The following PPM1K variants were observed in gnomAD, a reference collection of about 807,000 sequenced individuals.
The protein encoded by PPM1K is protein phosphatase Mn(2+)-dependent 1K.
In PPM1K, 19 loss-of-function variants were observed where a neutral mutation model predicts 32.6. That is an observed-to-expected ratio of 0.58 (90% CI 0.41 to 0.86). The LOEUF (loss-of-function observed/expected upper bound fraction) is 0.86. Ranked by LOEUF, PPM1K falls within the 40% of genes least tolerant of loss-of-function variation. PPM1K has a pLI of 0.00. For missense variants in PPM1K, 362 were observed against 461.2 expected (o/e 0.78, Z 1.97); for synonymous variants, 159 against 165.3 (o/e 0.96, Z 0.29).
Position 88,283,323 on chromosome 4 carries a change from G to A in PPM1K, c.-60+1083C>T, listed in dbSNP as rs369779019. Among the ~76,000 whole-genome samples, 55 of 152,346 alleles carry A rather than the reference G, an allele frequency of 3.6e-4. No homozygotes were observed. The South Asian group carries it at 0.011, about 32-fold the overall frequency. ...GCCGAGGTTTCGATGTGTTGCCCAG[G>A]CTGGTCTCGAACTCCTGGGCTCAAG... is the stretch of plus-strand genomic sequence containing the variant. On this transcript the variant is annotated intron_variant, in intron 1 of 6. Coordinates refer to ENST00000608933, the MANE Select transcript of PPM1K (RefSeq NM_152542.5).
intron 1 of PPM1K, among the ~76,000 whole-genome samples, chr4:88,280,857 AAGAG>A (rs888644902): frequency 2.6e-5 from 4 of 152,122 alleles, no homozygotes; most frequent in African/African-American, 4.8e-5. Flanking sequence ...TATTTAAAAA[AAGAG>A]AGAGAGAGCG....
chr4:88,266,848 T>A (rs1039938209), intron 5 of PPM1K, among the ~76,000 whole-genome samples: 6 of 137,900 alleles, frequency 4.4e-5, no homozygotes, highest in Non-Finnish European at 6.2e-5. Context: ...TGTTGGCTGA[T>A]TGGGTGCAGG....
At chr4:88,273,554 G>A (rs542215289) in intron 3 of PPM1K, among the ~76,000 whole-genome samples, 28 of 152,092 alleles carry the variant, frequency 1.8e-4, no homozygotes, top group Non-Finnish European at 2.8e-4. Context: ...GGTGGCAGGC[G>A]CCTATAATCC....
intron 3 of PPM1K, among the ~76,000 whole-genome samples, chr4:88,270,429 C>T (rs1243664235): frequency 6.6e-6 from 1 of 152,110 alleles, no homozygotes; most frequent in Non-Finnish European, 1.5e-5. Flanking sequence ...CATTTGTCCA[C>T]CATATAACAT....
At chr4:88,283,360 C>T (rs962731139) in intron 1 of PPM1K, among the ~76,000 whole-genome samples, 6 of 152,262 alleles carry the variant, frequency 3.9e-5, no homozygotes, top group Non-Finnish European at 5.9e-5. Context: ...CCGCTTTGGC[C>T]TTCCAAAGTG....
At chr4:88,283,865 C>T (rs1438410052) in intron 1 of PPM1K, 1 of 152,448 alleles carries the variant, frequency 6.6e-6, no homozygotes, top group Non-Finnish European at 1.5e-5. Context: ...ACACGCCCGC[C>T]TGCCTGCGAA....
chr4:88,265,071 C>G lies in PPM1K; in HGVS notation c.917G>C (p.Ser306Thr). The G allele has an allele frequency of 6.2e-7, 1 of 1,614,160 alleles. No homozygotes were observed. The highest frequency in any genetic ancestry group is 1.3e-5 in the African/African-American group (1 of 75,030). Residue 306 changes from serine (S) to threonine (T), a missense_variant, in exon 6 of 7, where the codon AGT becomes ACT. By Grantham distance (58) the Ser-to-Thr change is moderately conservative. Coordinates refer to ENST00000608933, the MANE Select transcript of PPM1K (RefSeq NM_152542.5). ...TTDGINFMVN[S>T]QEICDFVNQC... ...ATTGACAAAGTCACAAATCTCTTGACTATTCACCATGAAGTTAATTCCATC... is the reference window on the plus strand; with the variant it reads ...ATTGACAAAGTCACAAATCTCTTGAGTATTCACCATGAAGTTAATTCCATC...
chr4:88,276,047 G>GA (rs1157629601), intron 3 of PPM1K: 10 of 985,344 alleles, frequency 1.0e-5, no homozygotes, highest in East Asian at 1.1e-4. Context: ...AAAAGCTCAG[G>GA]AAAAAATCTC....
rs551032734 is a variant in PPM1K, at chr4:88,263,307, GA to G, written c.988-582del. On this transcript the variant is annotated intron_variant, in intron 6 of 6. Coordinates refer to ENST00000608933, the MANE Select transcript of PPM1K (RefSeq NM_152542.5). Reference sequence around the variant, plus strand: ...ATTTTTCCATCTATCGAATTGGTAAGAAAAAAAAATATGGTAAGAATTTGGA... The same window carrying G: ...ATTTTTCCATCTATCGAATTGGTAAGAAAAAAAATATGGTAAGAATTTGGA... Among the ~76,000 whole-genome samples, 1,053 of 151,358 alleles carry G rather than the reference GA, an allele frequency of 7.0e-3. 11 individuals are homozygous for G. Among genetic ancestry groups the G allele is most frequent in the African/African-American group, 0.022 (915 of 41,342 alleles).
intron 3 of PPM1K, among the ~76,000 whole-genome samples, chr4:88,269,897 T>C (rs1245491640): frequency 1.3e-5 from 2 of 152,260 alleles, no homozygotes; most frequent in Non-Finnish European, 2.9e-5. Flanking sequence ...CTAAGTTCTT[T>C]ACCACTTGTT....
chr4:88,277,421 G>T, intron 2 of PPM1K, 178 bp from the exon 3 acceptor site: 1 of 563,202 alleles, frequency 1.8e-6, no homozygotes, highest in Non-Finnish European at 3.2e-6. Context: ...CAGGCACTGT[G>T]ATAAGCTTTT....
chr4:88,278,726 C>T lies in PPM1K; in HGVS notation c.-59-84G>A, dbSNP rs926809323. ...AGGGAGAGAGACAGAGAGAGAGAGACCATCAGAAATTTTGAATATAACTGA... is the reference window on the plus strand; with the variant it reads ...AGGGAGAGAGACAGAGAGAGAGAGATCATCAGAAATTTTGAATATAACTGA... On this transcript the variant is annotated intron_variant, in intron 1 of 6. Coordinates refer to ENST00000608933, the MANE Select transcript of PPM1K (RefSeq NM_152542.5). The surrounding 1 kb of genome is among the most constrained non-coding windows in gnomAD (Gnocchi z 4.2). 4.7e-6 allele frequency: 3 copies of T among 640,338 alleles called. No homozygotes were observed. The highest frequency in any genetic ancestry group is 3.7e-5 in the African/African-American group (2 of 54,442). The allele number at this position is 640,338 out of a possible 1,614,324, so 39.7% of individuals were successfully genotyped here.
chr4:88,277,267 C>T, intron 2 of PPM1K, 24 bp from the exon 3 acceptor site: 1 of 1,489,104 alleles, frequency 6.7e-7, no homozygotes, highest in Non-Finnish European at 9.4e-7. Flanking sequence ...AAAAAAAGAG[C>T]CTTAAACAAT....
intron 1 of PPM1K, chr4:88,279,595 C>T (rs1010082592): frequency 1.3e-5 from 2 of 152,200 alleles, no homozygotes; most frequent in Non-Finnish European, 2.9e-5. Flanking sequence ...GAAACGATTA[C>T]TTTACACCCC....
Position 88,259,332 on chromosome 4 carries a change from T to C in PPM1K, c.*3263A>G, listed in dbSNP as rs1731036303. On this transcript the variant is annotated 3_prime_UTR_variant, in exon 7 of 7. Coordinates refer to ENST00000608933, the MANE Select transcript of PPM1K (RefSeq NM_152542.5). ...CAGCTGATGGAGAACAGGACAGCAT[T>C]TACTTCTGAATCTATAAAGTACTTA... is the stretch of plus-strand genomic sequence containing the variant. 6.6e-6 allele frequency: 1 copy of C among 151,926 alleles called. No individual in the cohort carries two copies. The highest frequency in any genetic ancestry group is 2.1e-4 in the South Asian group (1 of 4,824). 9.4% of individuals were successfully genotyped at this position (151,926 alleles called of 1,614,324 possible). A position where few individuals can be genotyped will look rare whatever the true frequency, so the allele number is the denominator to read the frequency against.
rs779266452 is a variant in PPM1K at position 88,262,730 on chromosome 4, C to T, written c.988-4G>A. 7 of 1,592,978 alleles carry T rather than the reference C, an allele frequency of 4.4e-6. No individual in the cohort carries two copies. The African/African-American group carries it at 8.1e-5, about 18-fold the overall frequency. Reference sequence around the variant, plus strand: ...CCTCAGTACCGTACTGTATTGCCTGCAAGGTTTGGCAGGAAGAAAGAGAAA... The same window carrying T: ...CCTCAGTACCGTACTGTATTGCCTGTAAGGTTTGGCAGGAAGAAAGAGAAA... On this transcript the variant is annotated splice_polypyrimidine_tract_variant and splice_region_variant and intron_variant, in intron 6 of 6. Transcript: ENST00000608933.
chr4:88,262,778 A>G, intron 6 of PPM1K, 52 bp from the exon 7 acceptor site: 1 of 1,541,254 alleles, frequency 6.5e-7, no homozygotes, highest in Non-Finnish European at 8.7e-7. Flanking sequence ...CACAGTCTAT[A>G]CAAAGAGAAA....
chr4:88,266,133 C>A (rs1187246940), intron 5 of PPM1K, among the ~76,000 whole-genome samples: 1 of 152,128 alleles, frequency 6.6e-6, no homozygotes. Context: ...GACTTGAAAC[C>A]CTTCATGCAA....
rs1204527906 is a variant in PPM1K at position 88,260,424 on chromosome 4, T to A, written c.*2171A>T. The A allele has an allele frequency of 3.3e-5, 5 of 152,208 alleles. No individual in the cohort carries two copies. Among genetic ancestry groups the A allele is most frequent in the African/African-American group, 1.2e-4 (5 of 41,460 alleles). 9.4% of individuals were successfully genotyped at this position (152,208 alleles called of 1,614,324 possible). ...TGCCTGTTGGTTTGGAAATTCTCCA[T>A]GTTCCTAAAGGTAGCTTCCACATTT... On this transcript the variant is annotated 3_prime_UTR_variant, in exon 7 of 7. Coordinates refer to ENST00000608933, the MANE Select transcript of PPM1K (RefSeq NM_152542.5).
Sources: gnomAD v4.1 joint callset for allele counts (sites outside exome capture counted in the v4.1 genomes callset) on GRCh38, gnomAD v4.1.1 for gene constraint, Gnocchi (gnomAD v3.1) non-coding constraint, MANE v1.5 for transcripts, NCBI Gene and HGNC (gene_info 2026-07-23, HGNC 2026-07-21) for gene names.